KIAA1671: variants seen among roughly 807,000 people sequenced by gnomAD.
KIAA1671 encodes the protein KIAA1671, also known as uncharacterized protein KIAA1671.
Under a neutral mutation model 131.2 loss-of-function variants are expected in KIAA1671, and 52 were observed. That is an observed-to-expected ratio of 0.40 (90% CI 0.32 to 0.50). KIAA1671 has a LOEUF of 0.50. KIAA1671 is among the 20% of genes least tolerant of loss of function. The pLI is 0.73. For synonymous variants in KIAA1671, 1,003 were observed against 961.6 expected, an observed-to-expected ratio of 1.04 and a Z score of -0.80; for missense variants, 2,360 against 2,364.2, an observed-to-expected ratio of 1.00 and a Z score of 0.04.
rs555535036 is a variant in KIAA1671 at position 25,172,396 on chromosome 22, C to T, written c.4649+1458C>T. ...TGGACAGTGGTGCCACCTGCTGTCT[C>T]TCAGTGCTGTTACCTTCATCCCGTG... On this transcript the variant is annotated intron_variant, in intron 7 of 12. Coordinates refer to ENST00000358431, the MANE Select transcript of KIAA1671 (RefSeq NM_001145206.2). 3.3e-5 allele frequency among the ~76,000 whole-genome samples: 5 copies of T among 152,344 alleles called. No individual in the cohort carries two copies. In the East Asian group the frequency reaches 9.6e-4, roughly 29 times the overall value.
chr22:25,156,833 C>G (rs1933262024), intron 6 of KIAA1671, among the ~76,000 whole-genome samples: 1 of 152,114 alleles, frequency 6.6e-6, no homozygotes, highest in Non-Finnish European at 1.5e-5. Context: ...TGGCAGTGTT[C>G]TGGCAGGGAG....
Position 25,181,723 on chromosome 22 carries a change from A to G in KIAA1671, c.5099A>G (p.Glu1700Gly), listed in dbSNP as rs1333876662. 1 of 1,551,536 alleles carries G rather than the reference A, an allele frequency of 6.4e-7. No homozygotes were observed. The highest frequency in any genetic ancestry group is 8.7e-7 in the Non-Finnish European group (1 of 1,146,954). The part of the protein sequence containing the change: ...STEEKSPRKE[E>G]SDEEETASKA... ...GAGGAGAAATCACCCAGGAAGGAGG[A>G]GTCGGATGAGGAGGAGACGGCATCC... The change falls in exon 10 of 13, where the codon GAG becomes GGG. Residue 1700 changes from glutamate to glycine, a missense_variant. Physicochemically the swap from Glu to Gly is moderately conservative, Grantham distance 98 (BLOSUM62 -2). Transcript: ENST00000358431.
chr22:25,033,188 C>A (rs1227006358), intron 4 of KIAA1671, among the ~76,000 whole-genome samples: 1 of 151,838 alleles, frequency 6.6e-6, no homozygotes, highest in African/African-American at 2.4e-5. Context: ...GAGTTTGAGA[C>A]CAGCCTGGGC....
At chr22:25,102,845 TGACTCAGGC>T (rs1328014113) in intron 6 of KIAA1671, 1 of 152,568 alleles carries the variant, frequency 6.6e-6, no homozygotes, top group East Asian at 1.9e-4. Context: ...GAGAAAACCA[TGACTCAGGC>T]GATGCAGGCC....
rs1056275130 is a variant in KIAA1671, at chr22:25,041,573, C to T, written c.4395+48C>T. 2.9e-4 allele frequency: 430 copies of T among 1,473,798 alleles called. 1 individual carries two copies. The African/African-American group carries it at 5.6e-3, about 19-fold the overall frequency. 91.3% of individuals were successfully genotyped at this position (1,473,798 alleles called of 1,614,324 possible). A position where few individuals can be genotyped will look rare whatever the true frequency, so the allele number is the denominator to read the frequency against. On this transcript the variant is annotated intron_variant, in intron 5 of 12. Coordinates refer to ENST00000358431, the MANE Select transcript of KIAA1671 (RefSeq NM_001145206.2). ...ATTTTGTCAAACATGGTTTAAACAT[C>T]TAGTCTAGGGGGCCGAAACTCAGAT...
intron 1 of KIAA1671, among the ~76,000 whole-genome samples, chr22:24,996,764 G>A (rs1602054820): frequency 2.6e-5 from 4 of 152,308 alleles, no homozygotes; most frequent in South Asian, 4.1e-4. Context: ...TACCAGGAGG[G>A]GTGGAGACTG....
chr22:25,149,997 C>G (rs559455353), intron 6 of KIAA1671, among the ~76,000 whole-genome samples: 27 of 152,272 alleles, frequency 1.8e-4, no homozygotes, highest in African/African-American at 5.8e-4. Context: ...CTTCCCGTGC[C>G]TGGTTGAAAT....
intron 6 of KIAA1671, among the ~76,000 whole-genome samples, chr22:25,087,488 C>G (rs916685226): frequency 6.6e-6 from 1 of 152,180 alleles, no homozygotes; most frequent in African/African-American, 2.4e-5. Flanking sequence ...GAGGCTGAGA[C>G]AGGAGAGTCA....
chr22:24,971,619 T>G (rs1302769369), intron 1 of KIAA1671, among the ~76,000 whole-genome samples: 2 of 152,218 alleles, frequency 1.3e-5, no homozygotes, highest in African/African-American at 4.8e-5. Context: ...GTGTGAATGT[T>G]GTACCCACAA....
intron 6 of KIAA1671, among the ~76,000 whole-genome samples, chr22:25,075,519 G>A (rs1929056204): frequency 6.6e-6 from 1 of 150,508 alleles, no homozygotes; most frequent in Non-Finnish European, 1.5e-5. Flanking sequence ...TTTTTGAGAT[G>A]GAGTCTCTGT....
At position 25,042,489 on chromosome 22, in the gene KIAA1671, C is replaced by T. The variant is rs1432435486; in HGVS notation, c.4395+964C>T. On this transcript the variant is annotated intron_variant, in intron 5 of 12. Transcript: ENST00000358431. The stretch of plus-strand genomic sequence containing the variant: ...TTTTTTTTTTTTTTTTTTTTTGAGA[C>T]GGAGTCTCACACTGTCACCTGGGCT... 5.1e-5 allele frequency among the ~76,000 whole-genome samples: 5 copies of T among 97,416 alleles called. No homozygotes were observed. The East Asian group carries it at 9.5e-4, about 19-fold the overall frequency. 63.9% of individuals were successfully genotyped at this position (97,416 alleles called of 152,430 possible). A position where few individuals can be genotyped will look rare whatever the true frequency, so the allele number is the denominator to read the frequency against.
intron 6 of KIAA1671, among the ~76,000 whole-genome samples, chr22:25,156,535 A>C (rs1568984655): frequency 6.6e-6 from 1 of 150,768 alleles, no homozygotes; most frequent in African/African-American, 2.5e-5. Flanking sequence ...GTGTATGTGT[A>C]CATCCGTATG....
Position 25,041,390 on chromosome 22 carries a change from G to C in KIAA1671, c.4260G>C (p.Glu1420Asp). ...SEKGPPANIR[E>D]GLSIMHEARE... The stretch of plus-strand genomic sequence containing the variant: ...AGGGGCCCCCTGCCAACATCCGAGA[G>C]GGCCTGTCCATCATGCATGAAGCCA... Residue 1420 changes from glutamate to aspartate, a missense_variant, in exon 5 of 13, where the codon GAG (glutamate) becomes GAC (aspartate). Coordinates refer to ENST00000358431, the MANE Select transcript of KIAA1671 (RefSeq NM_001145206.2). 6.4e-7 allele frequency: 1 copy of C among 1,551,706 alleles called. No individual in the cohort carries two copies. Among genetic ancestry groups the C allele is most frequent in the East Asian group, 2.4e-5 (1 of 40,918 alleles).
chr22:25,081,987 G>T (rs1350752491), intron 6 of KIAA1671, among the ~76,000 whole-genome samples: 1 of 152,174 alleles, frequency 6.6e-6, no homozygotes, highest in African/African-American at 2.4e-5. Flanking sequence ...CCTAAGCCCA[G>T]GAGTTGGAAG....
intron 12 of KIAA1671, among the ~76,000 whole-genome samples, chr22:25,191,145 CTT>C (rs142339652): frequency 0.31 from 40,208 of 128,614 alleles, 5,685 homozygotes; most frequent in East Asian, 0.45. Flanking sequence ...GAAATGGTTA[CTT>C]TTTTTTTTTT....
Position 25,140,400 on chromosome 22 carries a change from G to A in KIAA1671, c.4531-30420G>A, listed in dbSNP as rs543939856. 7.1e-4 allele frequency among the ~76,000 whole-genome samples: 108 copies of A among 151,966 alleles called. 1 individual carries two copies. Among genetic ancestry groups the A allele is most frequent in the Admixed American group, 3.9e-3 (60 of 15,268 alleles). On this transcript the variant is annotated intron_variant, in intron 6 of 12. Transcript: ENST00000358431. ...TTTTTCCTTTTTTTTTTTTGAGACG[G>A]AGTCTCGCTCTTTCGCCCAGGCCGG...
intron 6 of KIAA1671, among the ~76,000 whole-genome samples, chr22:25,088,875 T>G (rs1484358662): frequency 7.3e-6 from 1 of 136,810 alleles, no homozygotes; most frequent in Non-Finnish European, 1.7e-5. Context: ...TATGTACATA[T>G]GTACACACAC....
At position 24,959,908 on chromosome 22, in the gene KIAA1671, G is replaced by A. The variant is rs1182092199; in HGVS notation, c.-208+7136G>A. Among the ~76,000 whole-genome samples the A allele has an allele frequency of 4.0e-5, 6 of 151,888 alleles. No individual in the cohort carries two copies. In the East Asian group the frequency reaches 1.2e-3, roughly 29 times the overall value. ...ATCCCAGCACTTTGGGACCCCGAGG[G>A]AGGTGGATCATTTGAGGTCAGGAGT... On this transcript the variant is annotated intron_variant, in intron 1 of 12. Coordinates refer to ENST00000358431, the MANE Select transcript of KIAA1671 (RefSeq NM_001145206.2).
At chr22:25,183,404 G>A (rs544756662) in intron 10 of KIAA1671, among the ~76,000 whole-genome samples, 117 of 150,598 alleles carry the variant, frequency 7.8e-4, no homozygotes, top group African/African-American at 2.7e-3. Flanking sequence ...CTAGAACTAG[G>A]TTAGAGGTTT....
Sources: gnomAD v4.1 joint callset for allele counts (sites outside exome capture counted in the v4.1 genomes callset) on GRCh38, gnomAD v4.1.1 for gene constraint, MANE v1.5 for transcripts, NCBI Gene and HGNC (gene_info 2026-07-23, HGNC 2026-07-21) for gene names.